KCNK2: variants seen among roughly 807,000 people sequenced by gnomAD.
KCNK2 encodes potassium two pore domain channel subfamily K member 2.
A neutral mutation model predicts 40.5 loss-of-function variants in KCNK2; 21 were observed. The observed-to-expected ratio is 0.52, with a 90% CI of 0.37 to 0.75. KCNK2 has a LOEUF of 0.75. KCNK2 is among the 30% of genes least tolerant of loss of function. KCNK2 has a pLI of 0.00. For synonymous variants in KCNK2, 191 were observed against 202.2 expected, an observed-to-expected ratio of 0.94 and a Z score of 0.47; for missense variants, 399 against 531.6, an observed-to-expected ratio of 0.75 and a Z score of 2.45.
chr1:215,006,207 G>A (rs1397896320), intron 1 of KCNK2, among the ~76,000 whole-genome samples: 1 of 152,080 alleles, frequency 6.6e-6, no homozygotes, highest in Non-Finnish European at 1.5e-5. Flanking sequence ...GCTTTTATTT[G>A]CGATGTGTTA....
At chr1:215,186,492 G>C (rs573540372) in intron 5 of KCNK2, among the ~76,000 whole-genome samples, 1 of 152,074 alleles carries the variant, frequency 6.6e-6, no homozygotes, top group Non-Finnish European at 1.5e-5. Context: ...TTATGATATA[G>C]TAGAGCATAA....
At chr1:215,120,740 C>G (rs1195092821) in intron 2 of KCNK2, among the ~76,000 whole-genome samples, 1 of 152,088 alleles carries the variant, frequency 6.6e-6, no homozygotes, top group Non-Finnish European at 1.5e-5. Flanking sequence ...AGCTACATAG[C>G]CTATGAGTTC....
upstream of KCNK2, chr1:215,005,753 A>G: frequency 1.7e-6 from 1 of 601,286 alleles, no homozygotes; most frequent in South Asian, 2.2e-5. Context: ...GTGTTTTTGT[A>G]CAGGAAACTG....
intron 2 of KCNK2, among the ~76,000 whole-genome samples, chr1:215,110,487 C>G (rs189247833): frequency 6.6e-6 from 1 of 151,812 alleles, no homozygotes; most frequent in African/African-American, 2.4e-5. Flanking sequence ...CCTCATTATG[C>G]AATCTTGACA....
At chr1:215,033,616 C>T (rs1041975551) in intron 1 of KCNK2, among the ~76,000 whole-genome samples, 1 of 152,136 alleles carries the variant, frequency 6.6e-6, no homozygotes, top group African/African-American at 2.4e-5. Flanking sequence ...ACCTGCTTCT[C>T]AGTGCCTCAG....
chr1:215,178,705 G>A (rs1664095871), intron 5 of KCNK2, among the ~76,000 whole-genome samples: 1 of 152,134 alleles, frequency 6.6e-6, no homozygotes, highest in Admixed American at 6.5e-5. Context: ...TAGGAATGAA[G>A]TCTACCTGAT....
chr1:215,170,875 A>T (rs145658446), intron 4 of KCNK2, among the ~76,000 whole-genome samples: 1 of 152,122 alleles, frequency 6.6e-6, no homozygotes, highest in Non-Finnish European at 1.5e-5. Context: ...TTGCATATAT[A>T]CCAGTGCATA....
intron 2 of KCNK2, among the ~76,000 whole-genome samples, chr1:215,095,225 C>T (rs1213105950): frequency 6.6e-6 from 1 of 152,078 alleles, no homozygotes; most frequent in Non-Finnish European, 1.5e-5. Context: ...AACAGAGGGA[C>T]AGACAGATGA....
intron 1 of KCNK2, among the ~76,000 whole-genome samples, chr1:215,046,005 G>C (rs775219488): frequency 1.3e-5 from 2 of 152,154 alleles, no homozygotes; most frequent in Non-Finnish European, 2.9e-5. Context: ...GCTTTCTGTT[G>C]GTTGAATCAC....
At chr1:215,029,390 A>T (rs370633808) in intron 1 of KCNK2, among the ~76,000 whole-genome samples, 1 of 148,980 alleles carries the variant, frequency 6.7e-6, no homozygotes, top group African/African-American at 2.5e-5. Flanking sequence ...ATCTATTTGG[A>T]TTTTTTTTTC....
intron 1 of KCNK2, among the ~76,000 whole-genome samples, chr1:215,033,483 T>C (rs1467787567): frequency 1.3e-5 from 2 of 152,190 alleles, no homozygotes; most frequent in African/African-American, 4.8e-5. Context: ...AAATAACTGT[T>C]GTAAATAGGC....
intron 2 of KCNK2, among the ~76,000 whole-genome samples, chr1:215,091,430 GATAA>G (rs915029718): frequency 1.5e-3 from 221 of 152,230 alleles, no homozygotes; most frequent in African/African-American, 5.1e-3. Flanking sequence ...GGAGCTACAG[GATAA>G]ATAAATAAAC....
intron 1 of KCNK2, among the ~76,000 whole-genome samples, chr1:215,010,599 C>T (rs946230103): frequency 3.3e-5 from 5 of 152,110 alleles, no homozygotes; most frequent in South Asian, 4.1e-4. Context: ...AATACCATGA[C>T]GCCAAAGTGT....
At chr1:215,210,027 TATATATAATATATATA>T (rs1665663488) in intron 6 of KCNK2, among the ~76,000 whole-genome samples, 1 of 32,796 alleles carries the variant, frequency 3.0e-5, no homozygotes, top group South Asian at 1.2e-3. Context: ...TAATATATAT[TATATATAATATATATA>T]ATATATATAT....
Position 215,083,339 on chromosome 1 carries a change from C to G in KCNK2, c.-47C>G. 1.9e-6 allele frequency: 3 copies of G among 1,614,000 alleles called. No homozygotes were observed. Among genetic ancestry groups the G allele is most frequent in the Admixed American group, 1.7e-5 (1 of 60,020 alleles). ...ACAATGGCGTGTTTGTAAAAAAAAG[C>G]TTCAAGTCCGTCTTTTTCAAAAAAC... On this transcript the variant is annotated 5_prime_UTR_variant, in exon 1 of 7. Transcript: ENST00000444842.
At chr1:215,144,828 G>A (rs1008385223) in intron 3 of KCNK2, among the ~76,000 whole-genome samples, 3 of 152,044 alleles carry the variant, frequency 2.0e-5, no homozygotes, top group Non-Finnish European at 4.4e-5. Context: ...CAAAGTTAAC[G>A]CCTTCAAAAT....
At chr1:215,175,268 T>A (rs1001226460) in intron 5 of KCNK2, among the ~76,000 whole-genome samples, 8 of 152,116 alleles carry the variant, frequency 5.3e-5, no homozygotes, top group Admixed American at 1.3e-4. Context: ...CTTCAACATA[T>A]CTTGGAGGAC....
chr1:215,079,400 C>A (rs573611424), upstream of KCNK2, among the ~76,000 whole-genome samples: 11 of 152,284 alleles, frequency 7.2e-5, no homozygotes, highest in East Asian at 5.8e-4. Context: ...GAAGGGGAAC[C>A]AGGCACATCT....
chr1:215,080,467 A>G (rs1336578788), upstream of KCNK2, among the ~76,000 whole-genome samples: 1 of 152,226 alleles, frequency 6.6e-6, no homozygotes, highest in Non-Finnish European at 1.5e-5. Flanking sequence ...TTTCTCATGT[A>G]TGTAGGGTAT....
Sources: allele counts gnomAD v4.1 joint callset (sites outside exome capture counted in the v4.1 genomes callset), GRCh38; gene constraint gnomAD v4.1.1; transcripts MANE v1.5; gene names NCBI Gene and HGNC (gene_info 2026-07-23, HGNC 2026-07-21).